Variants in ITFG1 observed in about 807,000 individuals in gnomAD.
ITFG1 encodes T-cell immunomodulatory protein.
ITFG1 carries 34 observed loss-of-function variants against 81.8 expected under a neutral mutation model. That is an observed-to-expected ratio of 0.42 (90% CI 0.32 to 0.55). ITFG1 has a LOEUF of 0.55. Ranked by LOEUF, ITFG1 falls within the 20% of genes least tolerant of loss-of-function variation. The pLI is 0.17. For synonymous variants in ITFG1, 285 were observed against 270.6 expected, an observed-to-expected ratio of 1.05 and a Z score of -0.52; for missense variants, 672 against 755.4, an observed-to-expected ratio of 0.89 and a Z score of 1.29.
At chr16:47,201,901 T>C (rs979652422) in intron 14 of ITFG1, among the ~76,000 whole-genome samples, 1 of 152,326 alleles carries the variant, frequency 6.6e-6, no homozygotes, top group Non-Finnish European at 1.5e-5. Flanking sequence ...TCCTATTAAA[T>C]TTATCATCTT....
chr16:47,284,271 C>T (rs1417220736), intron 10 of ITFG1, among the ~76,000 whole-genome samples: 1 of 151,994 alleles, frequency 6.6e-6, no homozygotes, highest in African/African-American at 2.4e-5. Context: ...AACAATTATA[C>T]ATTTATAAAA....
intron 7 of ITFG1, among the ~76,000 whole-genome samples, chr16:47,370,844 G>A (rs1045765722): frequency 5.9e-5 from 9 of 152,204 alleles, no homozygotes; most frequent in East Asian, 1.9e-4. Context: ...CCCCACCAGC[G>A]GTGGAGGTCT....
chr16:47,352,143 C>T (rs1417955249), intron 8 of ITFG1, among the ~76,000 whole-genome samples: 2 of 152,166 alleles, frequency 1.3e-5, no homozygotes, highest in African/African-American at 2.4e-5. Context: ...GGGACATTGG[C>T]ATGGGGAAGG....
At chr16:47,183,428 G>C (rs1965161234) in intron 14 of ITFG1, among the ~76,000 whole-genome samples, 1 of 152,190 alleles carries the variant, frequency 6.6e-6, no homozygotes, top group South Asian at 2.1e-4. Context: ...CGCAGCTGGA[G>C]ATCTGAGAAC....
At chr16:47,374,621 T>G (rs1968300480) in intron 7 of ITFG1, among the ~76,000 whole-genome samples, 1 of 152,176 alleles carries the variant, frequency 6.6e-6, no homozygotes, top group African/African-American at 2.4e-5. Flanking sequence ...CTCCCAGCAG[T>G]GGGGACTTAA....
chr16:47,334,156 A>G (rs1967672421), intron 8 of ITFG1, among the ~76,000 whole-genome samples: 1 of 152,242 alleles, frequency 6.6e-6, no homozygotes, highest in South Asian at 2.1e-4. Flanking sequence ...TACATGAATG[A>G]ATATATTTTA....
intron 10 of ITFG1, among the ~76,000 whole-genome samples, chr16:47,302,738 T>C (rs561416718): frequency 6.6e-6 from 1 of 152,348 alleles, no homozygotes; most frequent in East Asian, 1.9e-4. Flanking sequence ...ACCAGAAGTA[T>C]ATGCTTCATT....
At chr16:47,171,419 CT>C (rs1456781920) in intron 14 of ITFG1, among the ~76,000 whole-genome samples, 3 of 151,992 alleles carry the variant, frequency 2.0e-5, no homozygotes, top group African/African-American at 7.3e-5. Flanking sequence ...AGTTATTTGC[CT>C]TTTCCCTTTT....
chr16:47,321,730 T>A (rs1967451528), intron 8 of ITFG1, among the ~76,000 whole-genome samples: 1 of 152,162 alleles, frequency 6.6e-6, no homozygotes, highest in Admixed American at 6.6e-5. Context: ...ACATTTTTGA[T>A]ATCATAGGAA....
intron 6 of ITFG1, among the ~76,000 whole-genome samples, chr16:47,402,232 A>C (rs1968670754): frequency 2.0e-5 from 3 of 152,218 alleles, no homozygotes; most frequent in Admixed American, 2.0e-4. Flanking sequence ...AAATCTTATC[A>C]ACATCTAAAA....
chr16:47,327,682 T>G (rs1967571768), intron 8 of ITFG1, among the ~76,000 whole-genome samples: 1 of 152,070 alleles, frequency 6.6e-6, no homozygotes, highest in Non-Finnish European at 1.5e-5. Context: ...AACAGACACT[T>G]CTCAAAAGAA....
chr16:47,390,546 T>C (rs970810710), intron 6 of ITFG1, among the ~76,000 whole-genome samples: 1 of 152,052 alleles, frequency 6.6e-6, no homozygotes, highest in Non-Finnish European at 1.5e-5. Context: ...GCAACCTCCA[T>C]CTCCCAGGTT....
intron 12 of ITFG1, among the ~76,000 whole-genome samples, chr16:47,247,282 T>C (rs1258246510): frequency 6.6e-6 from 1 of 152,210 alleles, no homozygotes; most frequent in Admixed American, 6.5e-5. Context: ...ATCAGGAATA[T>C]GGTTTCAATC....
At chr16:47,269,315 T>C (rs1250251889) in intron 10 of ITFG1, among the ~76,000 whole-genome samples, 1 of 151,934 alleles carries the variant, frequency 6.6e-6, no homozygotes, top group Admixed American at 6.6e-5. Flanking sequence ...AGGTGGCAGA[T>C]ATAAATACAA....
intron 13 of ITFG1, among the ~76,000 whole-genome samples, chr16:47,236,474 CAAAAAAAAAAAAA>C (rs68028486): frequency 1.9e-5 from 1 of 52,282 alleles, no homozygotes; most frequent in East Asian, 6.6e-4. Context: ...GACTCCATCT[CAAAAAAAAAAAAA>C]AAAAAAAAAA....
chr16:47,312,974 T>G (rs1967290881), intron 9 of ITFG1: 1 of 152,102 alleles, frequency 6.6e-6, no homozygotes, highest in South Asian at 2.1e-4. Context: ...TTAAAAAAAG[T>G]TCAAGATAAA....
intron 10 of ITFG1, among the ~76,000 whole-genome samples, chr16:47,271,534 C>T (rs1024523638): frequency 6.6e-6 from 1 of 152,178 alleles, no homozygotes; most frequent in African/African-American, 2.4e-5. Flanking sequence ...GGCAAACCTG[C>T]TTTGAAATAC....
chr16:47,268,450 G>C (rs147450909), intron 10 of ITFG1, among the ~76,000 whole-genome samples: 1 of 152,246 alleles, frequency 6.6e-6, no homozygotes, highest in South Asian at 2.1e-4. Flanking sequence ...AATAATACAC[G>C]TACTACACAA....
chr16:47,263,324 G>A (rs1213513983), intron 10 of ITFG1: 8 of 470,832 alleles, frequency 1.7e-5, no homozygotes, highest in Admixed American at 6.7e-5. Flanking sequence ...CCTGGAAATG[G>A]AGCAGGCCTA....
Sources: gnomAD v4.1 joint callset for allele counts (sites outside exome capture counted in the v4.1 genomes callset) on GRCh38, gnomAD v4.1.1 for gene constraint, MANE v1.5 for transcripts, NCBI Gene and HGNC (gene_info 2026-07-23, HGNC 2026-07-21) for gene names.